The following BCKDHB variants were observed in gnomAD, a reference collection of about 807,000 sequenced individuals.
The protein encoded by BCKDHB is 2-oxoisovalerate dehydrogenase subunit beta, mitochondrial.
BCKDHB carries 41 observed loss-of-function variants against 48.5 expected under a neutral mutation model. That is an observed-to-expected ratio of 0.85 (90% CI 0.66 to 1.10). The LOEUF is 1.10. BCKDHB is among the 50% of genes least tolerant of loss of function. BCKDHB has a pLI of 0.00. For synonymous variants in BCKDHB, 201 were observed against 174.8 expected, an observed-to-expected ratio of 1.15 and a Z score of -1.18; for missense variants, 496 against 494.2, an observed-to-expected ratio of 1.00 and a Z score of -0.03.
At chr6:80,326,503 G>A (rs1370139621) in intron 9 of BCKDHB, among the ~76,000 whole-genome samples, 2 of 152,128 alleles carry the variant, frequency 1.3e-5, no homozygotes, top group African/African-American at 4.8e-5. Flanking sequence ...ATCATGTACT[G>A]GATTTCACTA....
intron 6 of BCKDHB, among the ~76,000 whole-genome samples, chr6:80,178,223 AC>A (rs1773255821): frequency 6.6e-6 from 1 of 152,128 alleles, no homozygotes; most frequent in Non-Finnish European, 1.5e-5. Flanking sequence ...ATGATGGGAG[AC>A]TGGGGCTCCA....
chr6:80,276,596 C>T (rs1381344416), intron 9 of BCKDHB, among the ~76,000 whole-genome samples: 1 of 151,522 alleles, frequency 6.6e-6, no homozygotes, highest in Non-Finnish European at 1.5e-5. Flanking sequence ...AATTTATTTA[C>T]AAAACTCTAG....
chr6:80,304,152 G>A lies in BCKDHB; in HGVS notation c.1038+30931G>A, dbSNP rs556334192. 1.1e-4 allele frequency among the ~76,000 whole-genome samples: 17 copies of A among 152,222 alleles called. No individual in the cohort carries two copies. The South Asian group carries it at 3.5e-3, about 32-fold the overall frequency. On this transcript the variant is annotated intron_variant, in intron 9 of 9. Transcript: ENST00000320393. ...TTGTGAAAATTCGAACACAGTATAA[G>A]AAAGTAGACATGTGAGCAATACTGT... is the stretch of plus-strand genomic sequence containing the variant.
chr6:80,289,204 G>C (rs1178734447), intron 9 of BCKDHB, among the ~76,000 whole-genome samples: 1 of 152,068 alleles, frequency 6.6e-6, no homozygotes, highest in Non-Finnish European at 1.5e-5. Flanking sequence ...AGACAGTATG[G>C]TTGCATATAA....
chr6:80,353,286 A>G, the BCKDHB span, among the ~76,000 whole-genome samples: 2 of 152,160 alleles, frequency 1.3e-5, no homozygotes, highest in Non-Finnish European at 1.5e-5. Context: ...TATAATCACC[A>G]TCTTTTCTTT....
chr6:80,119,158 C>T (rs189083352), intron 1 of BCKDHB, among the ~76,000 whole-genome samples: 144 of 152,138 alleles, frequency 9.5e-4, no homozygotes, highest in Non-Finnish European at 1.8e-3. Flanking sequence ...GGCATGCTAG[C>T]GCATGCCTGT....
chr6:80,373,887 T>C, the BCKDHB span: 1 of 386,184 alleles, frequency 2.6e-6, no homozygotes, highest in Non-Finnish European at 4.9e-6. Context: ...ACCTTAAGTT[T>C]ATGTGAATCC....
At chr6:80,169,815 A>G in intron 5 of BCKDHB, 1 of 1,607,700 alleles carries the variant, frequency 6.2e-7, no homozygotes, top group Non-Finnish European at 8.5e-7. Context: ...TACCAGATCA[A>G]AGTTATAAGC....
At chr6:80,204,104 G>C (rs1391414892) in intron 8 of BCKDHB, among the ~76,000 whole-genome samples, 1 of 151,970 alleles carries the variant, frequency 6.6e-6, no homozygotes, top group African/African-American at 2.4e-5. Flanking sequence ...TATAGTATAG[G>C]GCATTTTATA....
At chr6:80,426,394 C>G in the BCKDHB span, among the ~76,000 whole-genome samples, 1 of 152,084 alleles carries the variant, frequency 6.6e-6, no homozygotes, top group African/African-American at 2.4e-5. Flanking sequence ...CATTCTCCTT[C>G]TAGCATATTA....
At chr6:80,458,846 CCTAA>C in the BCKDHB span, among the ~76,000 whole-genome samples, 26 of 152,032 alleles carry the variant, frequency 1.7e-4, no homozygotes, top group South Asian at 6.2e-4. Flanking sequence ...AAAAAAATCA[CCTAA>C]CTGTCATGAA....
At chr6:80,233,136 G>T (rs1214295082) in intron 8 of BCKDHB, among the ~76,000 whole-genome samples, 3 of 151,794 alleles carry the variant, frequency 2.0e-5, no homozygotes, top group Non-Finnish European at 4.4e-5. Context: ...GACTTTTTTG[G>T]ACTTAATCAT....
intron 6 of BCKDHB, among the ~76,000 whole-genome samples, chr6:80,189,212 A>G (rs1309350541): frequency 6.6e-6 from 1 of 152,234 alleles, no homozygotes; most frequent in Non-Finnish European, 1.5e-5. Context: ...TGTCAGTAAT[A>G]TAGTTTCCAA....
intron 8 of BCKDHB, among the ~76,000 whole-genome samples, chr6:80,219,509 C>T (rs1775318492): frequency 6.6e-6 from 1 of 151,974 alleles, no homozygotes; most frequent in South Asian, 2.1e-4. Flanking sequence ...ACCCAGGGTA[C>T]TCTTAGTTCT....
the BCKDHB span, among the ~76,000 whole-genome samples, chr6:80,406,997 T>C: frequency 6.6e-6 from 1 of 152,214 alleles, no homozygotes; most frequent in Admixed American, 6.5e-5. Flanking sequence ...AGGTCTTACA[T>C]TTAAGTCTTT....
chr6:80,180,546 C>T (rs1773364054), intron 6 of BCKDHB, among the ~76,000 whole-genome samples: 1 of 152,210 alleles, frequency 6.6e-6, no homozygotes, highest in African/African-American at 2.4e-5. Context: ...ATCTGTGATT[C>T]TTCTAGTGGG....
chr6:80,458,674 G>T, the BCKDHB span, among the ~76,000 whole-genome samples: 5 of 152,114 alleles, frequency 3.3e-5, no homozygotes, highest in African/African-American at 1.2e-4. Flanking sequence ...CAAGTGCTTA[G>T]CCAGGTAACT....
chr6:80,326,898 G>A (rs896212748), intron 9 of BCKDHB, among the ~76,000 whole-genome samples: 14 of 151,944 alleles, frequency 9.2e-5, no homozygotes, highest in African/African-American at 3.4e-4. Flanking sequence ...TAAGTAACTT[G>A]CCCAGAGTCA....
intron 3 of BCKDHB, among the ~76,000 whole-genome samples, chr6:80,165,667 G>A (rs1286312449): frequency 6.6e-6 from 1 of 152,144 alleles, no homozygotes; most frequent in African/African-American, 2.4e-5. Flanking sequence ...GTGGTGAAAC[G>A]TCAAGTGAGA....
Sources: gnomAD v4.1 joint callset for allele counts (sites outside exome capture counted in the v4.1 genomes callset) on GRCh38, gnomAD v4.1.1 for gene constraint, MANE v1.5 for transcripts, NCBI Gene and HGNC (gene_info 2026-07-23, HGNC 2026-07-21) for gene names.